Variants in SLC25A13 observed in about 807,000 individuals in gnomAD.
The protein encoded by SLC25A13 is solute carrier family 25 member 13.
Under a neutral mutation model 85.5 loss-of-function variants are expected in SLC25A13, and 70 were observed. The ratio of observed to expected loss-of-function variants is 0.82; its 90% CI spans 0.68 to 1.00. SLC25A13 has a LOEUF of 1.00. SLC25A13 is among the 50% of genes least tolerant of loss of function. The pLI is 0.00. For synonymous variants in SLC25A13, 259 were observed against 288.7 expected (o/e 0.90, Z 1.04); for missense variants, 765 against 819.8 (o/e 0.93, Z 0.82).
At chr7:96,138,115 C>G (rs1306154955) in intron 14 of SLC25A13, among the ~76,000 whole-genome samples, 1 of 152,152 alleles carries the variant, frequency 6.6e-6, no homozygotes, top group East Asian at 1.9e-4. Flanking sequence ...TACCCTTGTT[C>G]TTAAAAGCAA....
rs1366153075 is a variant in SLC25A13, at chr7:96,131,817, T to C, written c.1517A>G (p.His506Arg). 2 of 1,613,984 alleles carry C rather than the reference T, an allele frequency of 1.2e-6. No homozygotes were observed. The highest frequency in any genetic ancestry group is 2.2e-5 in the East Asian group (1 of 44,882). Residue 506 changes from histidine to arginine, a missense_variant, in exon 15 of 18, where the codon CAT becomes CGT. Physicochemically the swap from His to Arg is conservative, Grantham distance 29. Coordinates refer to ENST00000265631, the MANE Select transcript of SLC25A13 (RefSeq NM_014251.3). Reference sequence around the variant, plus strand: ...TTCATTTGCAAAGGAAGCCTTCACATGAGCATAGCACGGAAAGTAGATGGC... The same window carrying C: ...TTCATTTGCAAAGGAAGCCTTCACACGAGCATAGCACGGAAAGTAGATGGC... Reference protein sequence around the residue: ...FSAIYFPCYAHVKASFANEDG... With the variant: ...FSAIYFPCYARVKASFANEDG...
chr7:96,142,879 GAATC>G (rs1207023534), intron 14 of SLC25A13, among the ~76,000 whole-genome samples: 1 of 152,086 alleles, frequency 6.6e-6, no homozygotes, highest in African/African-American at 2.4e-5. Flanking sequence ...TAGCTCCAAT[GAATC>G]ATTTATACAC....
Position 96,277,184 on chromosome 7 carries a change from A to G in SLC25A13, c.212+12T>C. On this transcript the variant is annotated intron_variant, in intron 3 of 17. Transcript: ENST00000265631. ...AAAAAGAATTAAATAAAATAATTAA[A>G]AATAAACATACCCATCTTTGGTCTG... The G allele has an allele frequency of 6.5e-7, 1 of 1,544,318 alleles. No individual in the cohort carries two copies.
At chr7:96,175,979 T>C (rs1428472383) in intron 11 of SLC25A13, among the ~76,000 whole-genome samples, 8 of 152,040 alleles carry the variant, frequency 5.3e-5, no homozygotes, top group African/African-American at 9.7e-5. Context: ...AACAGGAAAA[T>C]GAAGGTGACT....
At chr7:96,266,885 T>G (rs530778498) in intron 3 of SLC25A13, among the ~76,000 whole-genome samples, 1 of 152,314 alleles carries the variant, frequency 6.6e-6, no homozygotes, top group Non-Finnish European at 1.5e-5. Context: ...TTTGTTTTGG[T>G]AGATTAATTT....
rs777414201 is a variant in SLC25A13 at position 96,131,823 on chromosome 7, T to C, written c.1511A>G (p.Tyr504Cys). ...IPFSAIYFPC[Y>C]AHVKASFANE... ...TGCAAAGGAAGCCTTCACATGAGCATAGCACGGAAAGTAGATGGCCGAGAA... is the reference window on the plus strand; with the variant it reads ...TGCAAAGGAAGCCTTCACATGAGCACAGCACGGAAAGTAGATGGCCGAGAA... Residue 504 changes from tyrosine (Y) to cysteine (C), a missense_variant, in exon 15 of 18, where the codon TAT becomes TGT. Physicochemically the swap from Tyr to Cys is radical, Grantham distance 194. Coordinates refer to ENST00000265631, the MANE Select transcript of SLC25A13 (RefSeq NM_014251.3). 3.7e-6 allele frequency: 6 copies of C among 1,613,966 alleles called. No homozygotes were observed. The highest frequency in any genetic ancestry group is 1.1e-5 in the South Asian group (1 of 91,092).
At chr7:96,165,871 T>C (rs1793720017) in intron 13 of SLC25A13, among the ~76,000 whole-genome samples, 1 of 152,168 alleles carries the variant, frequency 6.6e-6, no homozygotes, top group African/African-American at 2.4e-5. Context: ...TTTTCAAAAT[T>C]TTTCAAAATA....
At chr7:96,182,331 A>G (rs546887449) in intron 11 of SLC25A13, among the ~76,000 whole-genome samples, 1 of 152,240 alleles carries the variant, frequency 6.6e-6, no homozygotes, top group East Asian at 1.9e-4. Context: ...ACCAGAAAAG[A>G]TATCAGGAAG....
intron 2 of SLC25A13, among the ~76,000 whole-genome samples, chr7:96,278,901 T>C (rs756093733): frequency 1.3e-5 from 2 of 152,342 alleles, no homozygotes; most frequent in East Asian, 3.9e-4. Context: ...AGCAATCTTA[T>C]GACTTAGTAA....
chr7:96,145,466 A>T (rs1469503589), intron 14 of SLC25A13, among the ~76,000 whole-genome samples: 1 of 152,178 alleles, frequency 6.6e-6, no homozygotes. Flanking sequence ...TACTGTGTCA[A>T]ATGTCAAAAC....
intron 2 of SLC25A13, among the ~76,000 whole-genome samples, chr7:96,279,154 G>A (rs1423688335): frequency 1.3e-5 from 2 of 152,126 alleles, no homozygotes; most frequent in African/African-American, 2.4e-5. Context: ...CTGCTCTCCG[G>A]AAAAGATTGT....
chr7:96,219,709 AT>A, intron 4 of SLC25A13: 1 of 534,706 alleles, frequency 1.9e-6, no homozygotes, highest in South Asian at 1.4e-5. Context: ...GTTAACCAAC[AT>A]TCTACACTAT....
At chr7:96,247,769 A>C (rs578008004) in intron 3 of SLC25A13, among the ~76,000 whole-genome samples, 1 of 152,296 alleles carries the variant, frequency 6.6e-6, no homozygotes, top group South Asian at 2.1e-4. Flanking sequence ...TGTTATTTTT[A>C]TATACATATA....
At chr7:96,275,292 G>A (rs1193707527) in intron 3 of SLC25A13, among the ~76,000 whole-genome samples, 2 of 152,332 alleles carry the variant, frequency 1.3e-5, no homozygotes, top group African/African-American at 4.8e-5. Flanking sequence ...TGGTGAGACT[G>A]TAAACTAGTT....
chr7:96,128,735 T>G (rs1460754502), intron 15 of SLC25A13, among the ~76,000 whole-genome samples: 2 of 147,550 alleles, frequency 1.4e-5, no homozygotes, highest in Admixed American at 1.4e-4. Flanking sequence ...TCTGCACATG[T>G]ATCCCAGAAC....
At chr7:96,161,112 T>G (rs886167537) in intron 13 of SLC25A13, among the ~76,000 whole-genome samples, 4 of 152,044 alleles carry the variant, frequency 2.6e-5, no homozygotes, top group Non-Finnish European at 5.9e-5. Flanking sequence ...CAAGCCATAA[T>G]AAATAAGCTA....
At position 96,171,492 on chromosome 7, in the gene SLC25A13, C is replaced by T. The variant is rs1793999476; in HGVS notation, c.1210G>A (p.Glu404Lys). ...LLPQLLGVAP[E>K]KAIKLTVNDF... ...CTTACTGTAAGTTTTATGGCCTTCT[C>T]TGGGGCAACTCCCAATAACTGTGGC... Residue 404 changes from glutamate to lysine, a missense_variant, in exon 12 of 18, where the codon GAG (glutamate) becomes AAG (lysine). Glu to Lys is a moderately conservative substitution (Grantham distance 56). Coordinates refer to ENST00000265631, the MANE Select transcript of SLC25A13 (RefSeq NM_014251.3). 6.2e-7 allele frequency: 1 copy of T among 1,613,488 alleles called. No individual in the cohort carries two copies. The highest frequency in any genetic ancestry group is 1.3e-5 in the African/African-American group (1 of 75,034).
chr7:96,233,258 T>C (rs149767034), intron 4 of SLC25A13, among the ~76,000 whole-genome samples: 129 of 152,330 alleles, frequency 8.5e-4, no homozygotes, highest in African/African-American at 3.0e-3. Context: ...GGAAACGCTA[T>C]TATAACAATG....
chr7:96,151,513 C>T (rs1471990845), intron 13 of SLC25A13, among the ~76,000 whole-genome samples: 1 of 151,980 alleles, frequency 6.6e-6, no homozygotes, highest in East Asian at 1.9e-4. Flanking sequence ...AGAAGAATCA[C>T]TTGAACTCGG....
Sources: allele counts gnomAD v4.1 joint callset (sites outside exome capture counted in the v4.1 genomes callset), GRCh38; gene constraint gnomAD v4.1.1; transcripts MANE v1.5; gene names NCBI Gene and HGNC (gene_info 2026-07-23, HGNC 2026-07-21).